The following INSYN2A variants were observed in gnomAD, a reference collection of about 807,000 sequenced individuals.
INSYN2A encodes inhibitory synaptic factor 2A.
Under a neutral mutation model 39.4 loss-of-function variants are expected in INSYN2A, and 17 were observed. The observed-to-expected ratio is 0.43, with a 90% CI of 0.30 to 0.65. The LOEUF is 0.65. INSYN2A is among the 30% of genes least tolerant of loss of function. INSYN2A has a pLI of 0.14. For missense variants in INSYN2A, 595 were observed against 631.2 expected (o/e 0.94, Z 0.61); for synonymous variants, 255 against 265.7 (o/e 0.96, Z 0.39).
At chr10:127,145,745 C>T (rs1347435991) in intron 5 of INSYN2A, among the ~76,000 whole-genome samples, 1 of 152,184 alleles carries the variant, frequency 6.6e-6, no homozygotes, top group Non-Finnish European at 1.5e-5. Flanking sequence ...AGCCCGGAAC[C>T]CTGGTTTCTA....
At chr10:127,147,559 C>G (rs1272736032) in intron 5 of INSYN2A, among the ~76,000 whole-genome samples, 2 of 152,096 alleles carry the variant, frequency 1.3e-5, no homozygotes, top group Non-Finnish European at 2.9e-5. Context: ...CCCGGGGTCC[C>G]AGGGTAAGGG....
intron 2 of INSYN2A, among the ~76,000 whole-genome samples, chr10:127,186,519 C>A (rs1265826474): frequency 1.3e-5 from 1 of 77,822 alleles, no homozygotes; most frequent in Non-Finnish European, 3.5e-5. Flanking sequence ...CCCCCCGCCC[C>A]CCCCCGATCC....
chr10:127,168,412 G>A (rs1327748245), intron 4 of INSYN2A, among the ~76,000 whole-genome samples: 1 of 152,230 alleles, frequency 6.6e-6, no homozygotes, highest in Non-Finnish European at 1.5e-5. Context: ...TTTTGCTTCT[G>A]ATCTCAGCTC....
chr10:127,140,229 T>A (rs571061364), intron 5 of INSYN2A, among the ~76,000 whole-genome samples: 52 of 152,318 alleles, frequency 3.4e-4, no homozygotes, highest in African/African-American at 1.2e-3. Flanking sequence ...TTAACCAATT[T>A]ATCACACCAA....
intron 4 of INSYN2A, among the ~76,000 whole-genome samples, chr10:127,161,974 T>C (rs944775298): frequency 6.6e-6 from 1 of 152,246 alleles, no homozygotes; most frequent in African/African-American, 2.4e-5. Context: ...TCTGGAAAAC[T>C]GTCTCCCATG....
chr10:127,191,803 C>T (rs948555639), intron 2 of INSYN2A, among the ~76,000 whole-genome samples: 5 of 152,204 alleles, frequency 3.3e-5, no homozygotes, highest in Admixed American at 2.6e-4. Flanking sequence ...TCCTCTTTCT[C>T]TCTGGGATGT....
At chr10:127,144,176 C>T (rs1463191298) in intron 5 of INSYN2A, among the ~76,000 whole-genome samples, 2 of 152,180 alleles carry the variant, frequency 1.3e-5, no homozygotes, top group East Asian at 1.9e-4. Context: ...CTCTCCCTCT[C>T]CAGTTACCAG....
At chr10:127,139,635 C>G (rs890021523) in intron 5 of INSYN2A, among the ~76,000 whole-genome samples, 6 of 152,186 alleles carry the variant, frequency 3.9e-5, no homozygotes, top group Non-Finnish European at 7.3e-5. Flanking sequence ...GAAATCCGGG[C>G]CTCAGTTCCG....
chr10:127,190,305 G>A (rs1457410528), intron 2 of INSYN2A, among the ~76,000 whole-genome samples: 1 of 152,164 alleles, frequency 6.6e-6, no homozygotes, highest in African/African-American at 2.4e-5. Flanking sequence ...AGCCCTGGAA[G>A]CCGTCTTCCT....
At chr10:127,148,109 G>A (rs891771388) in intron 5 of INSYN2A, among the ~76,000 whole-genome samples, 4 of 151,570 alleles carry the variant, frequency 2.6e-5, no homozygotes, top group Non-Finnish European at 5.9e-5. Flanking sequence ...TGAAAGCATG[G>A]AGTACACAGC....
chr10:127,182,103 C>T (rs547603151), intron 2 of INSYN2A, among the ~76,000 whole-genome samples: 1 of 152,082 alleles, frequency 6.6e-6, no homozygotes. Flanking sequence ...TTGGAGGAAA[C>T]ACGGAGATGG....
intron 4 of INSYN2A, among the ~76,000 whole-genome samples, chr10:127,165,958 C>T (rs2054033655): frequency 6.6e-6 from 1 of 152,182 alleles, no homozygotes; most frequent in Non-Finnish European, 1.5e-5. Context: ...TGAACCCTAC[C>T]AGGCCTGGGA....
intron 1 of INSYN2A, among the ~76,000 whole-genome samples, chr10:127,195,508 C>T (rs1056510189): frequency 3.8e-4 from 58 of 151,922 alleles, no homozygotes; most frequent in African/African-American, 1.3e-3. Flanking sequence ...GTCAGGGCCC[C>T]TCTGTTCCAA....
At chr10:127,166,185 C>T (rs1260857297) in intron 4 of INSYN2A, among the ~76,000 whole-genome samples, 1 of 152,132 alleles carries the variant, frequency 6.6e-6, no homozygotes, top group African/African-American at 2.4e-5. Context: ...CCTGCCTCAG[C>T]CCCCCAAGTA....
intron 4 of INSYN2A, among the ~76,000 whole-genome samples, chr10:127,156,759 GGTTTCTCTAT>G (rs1239957378): frequency 6.6e-6 from 1 of 151,566 alleles, no homozygotes; most frequent in East Asian, 1.9e-4. Flanking sequence ...GTAGAGACGG[GGTTTCTCTAT>G]GTTGGTCAGG....
At chr10:127,183,622 C>G (rs2055945736) in intron 2 of INSYN2A, among the ~76,000 whole-genome samples, 1 of 152,106 alleles carries the variant, frequency 6.6e-6, no homozygotes, top group Admixed American at 6.5e-5. Context: ...ATCTTCTCGG[C>G]CCTCATACAG....
chr10:127,148,255 G>A (rs975055449), intron 5 of INSYN2A, among the ~76,000 whole-genome samples: 3 of 152,158 alleles, frequency 2.0e-5, no homozygotes, highest in African/African-American at 7.2e-5. Context: ...GCCACTTTGT[G>A]TGGTGGCTGT....
At chr10:127,138,387 G>T (rs959058064) in intron 5 of INSYN2A, among the ~76,000 whole-genome samples, 11 of 152,160 alleles carry the variant, frequency 7.2e-5, no homozygotes, top group African/African-American at 2.7e-4. Context: ...GTATGAGTGG[G>T]CAGGGGTCAC....
chr10:127,172,766 C>A (rs1301389401), intron 4 of INSYN2A, among the ~76,000 whole-genome samples: 1 of 152,070 alleles, frequency 6.6e-6, no homozygotes, highest in African/African-American at 2.4e-5. Flanking sequence ...AAAGTAAAAC[C>A]ATCCTTTGTC....
Sources: gnomAD v4.1 joint callset for allele counts (sites outside exome capture counted in the v4.1 genomes callset) on GRCh38, gnomAD v4.1.1 for gene constraint, MANE v1.5 for transcripts, NCBI Gene and HGNC (gene_info 2026-07-23, HGNC 2026-07-21) for gene names.